IGF1R: variants seen among roughly 807,000 people sequenced by gnomAD.
IGF1R encodes insulin like growth factor 1 receptor.
IGF1R carries 44 observed loss-of-function variants against 144.6 expected under a neutral mutation model. The ratio of observed to expected loss-of-function variants is 0.30; its 90% CI spans 0.24 to 0.39. The LOEUF (loss-of-function observed/expected upper bound fraction) is 0.39. Ranked by LOEUF, IGF1R falls within the 10% of genes least tolerant of loss-of-function variation. The pLI is 1.00. For synonymous variants in IGF1R, 795 were observed against 722.8 expected (o/e 1.10, Z -1.60); for missense variants, 1,355 against 1,833.7 (o/e 0.74, Z 4.77).
intron 2 of IGF1R, among the ~76,000 whole-genome samples, chr15:98,716,974 C>T (rs1222116543): frequency 6.6e-6 from 1 of 152,196 alleles, no homozygotes; most frequent in African/African-American, 2.4e-5. Context: ...TGCCCTCACT[C>T]TCAGTGTGAC....
intron 2 of IGF1R, among the ~76,000 whole-genome samples, chr15:98,730,047 A>C (rs760479681): frequency 1.3e-5 from 2 of 152,168 alleles, no homozygotes; most frequent in African/African-American, 4.8e-5. Context: ...TAATTTCTCA[A>C]ATATGGTTCT....
intron 1 of IGF1R, among the ~76,000 whole-genome samples, chr15:98,682,120 C>T (rs1472393959): frequency 6.6e-6 from 1 of 152,176 alleles, no homozygotes; most frequent in African/African-American, 2.4e-5. Flanking sequence ...ACCTTCAGGG[C>T]AGGACCTGCC....
At position 98,733,040 on chromosome 15, in the gene IGF1R, A is replaced by G. The variant is rs527369617; in HGVS notation, c.640+24933A>G. On this transcript the variant is annotated intron_variant, in intron 2 of 20. Transcript: ENST00000650285. The stretch of plus-strand genomic sequence containing the variant: ...GATACATGTTTGTCTTTTAGATTCT[A>G]TAAGGAGTAGCTGCTACACAGAAAG... Among the ~76,000 whole-genome samples, 5 of 152,304 alleles carry G rather than the reference A, an allele frequency of 3.3e-5. No individual in the cohort carries two copies. The East Asian group carries it at 7.7e-4, about 24-fold the overall frequency.
chr15:98,828,428 G>T (rs1311895692), intron 2 of IGF1R, among the ~76,000 whole-genome samples: 3 of 152,118 alleles, frequency 2.0e-5, no homozygotes, highest in Admixed American at 2.0e-4. Flanking sequence ...TGCACAGAGA[G>T]GTAGGGCAAG....
At chr15:98,711,058 T>G (rs1358748697) in intron 2 of IGF1R, among the ~76,000 whole-genome samples, 2 of 152,178 alleles carry the variant, frequency 1.3e-5, no homozygotes, top group African/African-American at 4.8e-5. Context: ...AGAGCATTTC[T>G]TTTAACACCA....
rs1318437592 is a variant in IGF1R at position 98,891,139 on chromosome 15, G to C, written c.641-186G>C. Among the ~76,000 whole-genome samples the C allele has an allele frequency of 1.3e-5, 2 of 152,222 alleles. No homozygotes were observed. The highest frequency in any genetic ancestry group is 4.8e-5 in the African/African-American group (2 of 41,452). On this transcript the variant is annotated intron_variant, in intron 2 of 20. Transcript: ENST00000650285. This position sits in a 1 kb window ranked among gnomAD's most constrained non-coding sequence, Gnocchi z 4.7. ...ACTTTAAAGATATCGACTCTCTGCA[G>C]GTCTAAGTGGATGAAAGGACAGTGG...
At chr15:98,824,437 A>G (rs967233186) in intron 2 of IGF1R, among the ~76,000 whole-genome samples, 4 of 152,142 alleles carry the variant, frequency 2.6e-5, no homozygotes, top group African/African-American at 7.2e-5. Context: ...TTATTGTCAG[A>G]CTTCTTCTTA....
chr15:98,832,097 C>A (rs1194004020), intron 2 of IGF1R, among the ~76,000 whole-genome samples: 1 of 152,134 alleles, frequency 6.6e-6, no homozygotes, highest in Non-Finnish European at 1.5e-5. Flanking sequence ...GGTCTGGATC[C>A]TTTTCTTTAG....
chr15:98,720,403 C>T (rs550490329), intron 2 of IGF1R, among the ~76,000 whole-genome samples: 2 of 152,308 alleles, frequency 1.3e-5, no homozygotes, highest in African/African-American at 4.8e-5. Context: ...TCGGATAGAT[C>T]TGTTGGCCGT....
chr15:98,811,422 C>T (rs890877247), intron 2 of IGF1R, among the ~76,000 whole-genome samples: 6 of 149,496 alleles, frequency 4.0e-5, no homozygotes, highest in South Asian at 2.1e-4. Context: ...CCCAGCTGCT[C>T]GGGAGGCTGA....
intron 18 of IGF1R, among the ~76,000 whole-genome samples, chr15:98,942,576 C>T (rs889332397): frequency 3.3e-5 from 5 of 152,176 alleles, no homozygotes; most frequent in Admixed American, 3.3e-4. Flanking sequence ...TGGGCACAGG[C>T]GATCTTCCTG....
intron 2 of IGF1R, among the ~76,000 whole-genome samples, chr15:98,769,175 T>G (rs774266512): frequency 1.4e-4 from 21 of 152,228 alleles, no homozygotes; most frequent in Non-Finnish European, 3.1e-4. Flanking sequence ...AGGAAGATTC[T>G]TGATCTTCTT....
chr15:98,784,990 C>G (rs1030008980), intron 2 of IGF1R, among the ~76,000 whole-genome samples: 4 of 152,048 alleles, frequency 2.6e-5, no homozygotes, highest in Non-Finnish European at 4.4e-5. Flanking sequence ...TTGAATTAAA[C>G]CAGAAAGAAT....
chr15:98,774,466 A>C, intron 2 of IGF1R, among the ~76,000 whole-genome samples: 1 of 152,152 alleles, frequency 6.6e-6, no homozygotes, highest in East Asian at 1.9e-4. Context: ...TTAGATTTTA[A>C]AGTTGAGGAT....
At chr15:98,922,082 C>T (rs1169309520) in intron 10 of IGF1R, 66 bp from the exon 11 acceptor site, 22 of 1,561,478 alleles carry the variant, frequency 1.4e-5, no homozygotes, top group Non-Finnish European at 1.9e-5. Flanking sequence ...GTTACTCTTA[C>T]TCAAGTCATA....
chr15:98,904,699 C>A (rs546153012), intron 5 of IGF1R, among the ~76,000 whole-genome samples: 1 of 152,320 alleles, frequency 6.6e-6, no homozygotes, highest in Admixed American at 6.5e-5. Flanking sequence ...GCAATTTTCT[C>A]CTCGAAGGAA....
chr15:98,766,924 G>C (rs898019383), intron 2 of IGF1R, among the ~76,000 whole-genome samples: 19 of 152,180 alleles, frequency 1.2e-4, no homozygotes, highest in African/African-American at 4.1e-4. Context: ...AAAAACTCCA[G>C]CTCATCCAGC....
chr15:98,688,656 A>G lies in IGF1R; in HGVS notation c.95-18906A>G, dbSNP rs555758828. On this transcript the variant is annotated intron_variant, in intron 1 of 20. Transcript: ENST00000650285. The stretch of plus-strand genomic sequence containing the variant: ...GTCACCCAATTGCTCTTAAGTCCTC[A>G]TTTTTTTTTTTAAATCTGTAAAATG... 2.8e-3 allele frequency among the ~76,000 whole-genome samples: 414 copies of G among 147,160 alleles called. 1 individual carries two copies. Among genetic ancestry groups the G allele is most frequent in the Non-Finnish European group, 4.7e-3 (310 of 66,568 alleles).
chr15:98,868,488 A>G (rs1052177204), intron 2 of IGF1R, among the ~76,000 whole-genome samples: 1 of 151,572 alleles, frequency 6.6e-6, no homozygotes, highest in African/African-American at 2.4e-5. Context: ...ACAGCCTCTT[A>G]GACCCTCAGT....
Sources: allele counts gnomAD v4.1 joint callset (sites outside exome capture counted in the v4.1 genomes callset), GRCh38; gene constraint gnomAD v4.1.1; non-coding constraint Gnocchi (gnomAD v3.1); transcripts MANE v1.5; gene names NCBI Gene and HGNC (gene_info 2026-07-23, HGNC 2026-07-21).